Variants in SLF2 observed in about 807,000 individuals in gnomAD.
SLF2 encodes the protein SMC5/6 complex localization factor 2.
Under a neutral mutation model 124.3 loss-of-function variants are expected in SLF2, and 68 were observed. That is an observed-to-expected ratio of 0.55 (90% CI 0.45 to 0.67). The LOEUF (loss-of-function observed/expected upper bound fraction) is 0.67, where lower values mean the gene tolerates loss of function less well. SLF2 is among the 30% of genes least tolerant of loss of function. SLF2 has a pLI of 0.00. For synonymous variants in SLF2, 480 were observed against 478.8 expected, an observed-to-expected ratio of 1.00 and a Z score of -0.03; for missense variants, 1,246 against 1,373.7, an observed-to-expected ratio of 0.91 and a Z score of 1.47.
intron 13 of SLF2, among the ~76,000 whole-genome samples, 168 bp downstream of exon 13, chr10:100,945,674 T>G (rs1465792192): frequency 6.6e-6 from 1 of 152,218 alleles, no homozygotes; most frequent in African/African-American, 2.4e-5. Context: ...TCGTGATAAT[T>G]GAATTTTTTC....
intron 17 of SLF2, among the ~76,000 whole-genome samples, chr10:100,954,269 T>G (rs1355294726): frequency 6.6e-6 from 1 of 151,984 alleles, no homozygotes; most frequent in Non-Finnish European, 1.5e-5. Context: ...AAAAAATATA[T>G]AAAAAATCAA....
rs761598604 is a variant in SLF2, at chr10:100,925,921, A to G, written c.1972-28A>G. 6 of 1,548,152 alleles carry G rather than the reference A, an allele frequency of 3.9e-6. No individual in the cohort carries two copies. In the East Asian group the frequency reaches 1.1e-4, roughly 29 times the overall value. On this transcript the variant is annotated intron_variant, in intron 5 of 19. Transcript: ENST00000238961. Reference sequence around the variant, plus strand: ...CAGTTCTTCTACTAAGACATGTGGTAAAGTATTTCTAAATGTTCTTGTTTT... The same window carrying G: ...CAGTTCTTCTACTAAGACATGTGGTGAAGTATTTCTAAATGTTCTTGTTTT...
intron 4 of SLF2, among the ~76,000 whole-genome samples, chr10:100,922,916 C>G (rs947464042): frequency 6.6e-6 from 1 of 151,794 alleles, no homozygotes; most frequent in Middle Eastern, 3.2e-3. Flanking sequence ...GCTGGGAGTA[C>G]AGGCACGCAC....
chr10:100,944,222 G>A (rs957337595), intron 12 of SLF2, 94 bp downstream of exon 12: 39 of 763,026 alleles, frequency 5.1e-5, no homozygotes, highest in Admixed American at 1.5e-4. Flanking sequence ...TCGGCCGGGC[G>A]CGGTGGCTCA....
At chr10:100,941,055 G>T (rs990262134) in intron 11 of SLF2, among the ~76,000 whole-genome samples, 3 of 151,646 alleles carry the variant, frequency 2.0e-5, no homozygotes, top group African/African-American at 7.3e-5. Context: ...GCCCAGGCTG[G>T]TCTCAAAATC....
At position 100,912,988 on chromosome 10, in the gene SLF2, AGAGAGAAG is replaced by A; in HGVS notation, c.-121_-114del. The A allele has an allele frequency of 1.9e-6, 2 of 1,052,280 alleles. No homozygotes were observed. Among genetic ancestry groups the A allele is most frequent in the Non-Finnish European group, 2.7e-6 (2 of 731,714 alleles). 65.2% of individuals were successfully genotyped at this position (1,052,280 alleles called of 1,614,324 possible). ...ACTTCCGAAGAGAGAACCGCCATGA[AGAGAGAAG>A]GGGGTGCCGCCCACCTCTGCTCCGA... On this transcript the variant is annotated 5_prime_UTR_variant, in exon 1 of 20. Transcript: ENST00000238961.
At chr10:100,954,749 C>T (rs1850292741) in intron 17 of SLF2, among the ~76,000 whole-genome samples, 1 of 152,052 alleles carries the variant, frequency 6.6e-6, no homozygotes, top group Non-Finnish European at 1.5e-5. Context: ...TTAAAACCAG[C>T]TTAGGCAACA....
At chr10:100,935,717 T>C (rs1849835009) in intron 9 of SLF2, among the ~76,000 whole-genome samples, 1 of 152,096 alleles carries the variant, frequency 6.6e-6, no homozygotes, top group Non-Finnish European at 1.5e-5. Flanking sequence ...TAAATTCCTG[T>C]ATGTAAAAAG....
At chr10:100,934,346 A>C (rs1458907734) in intron 9 of SLF2, among the ~76,000 whole-genome samples, 1 of 152,202 alleles carries the variant, frequency 6.6e-6, no homozygotes, top group Non-Finnish European at 1.5e-5. Context: ...ACTCCTTTAC[A>C]CATTTACTTA....
rs1213746561 is a variant in SLF2, at chr10:100,934,015, G to T, written c.2436+2937G>T. On this transcript the variant is annotated intron_variant, in intron 9 of 19. Transcript: ENST00000238961. ...TAAAAAGAAGTTTCTGTCAGAATCT[G>T]TTTGAGTGAACAGTTTAAATTTTTT... Among the ~76,000 whole-genome samples, 5 of 152,292 alleles carry T rather than the reference G, an allele frequency of 3.3e-5. No homozygotes were observed. In the East Asian group the frequency reaches 7.7e-4, roughly 23 times the overall value.
At chr10:100,926,182 C>T (rs1215897324) in intron 6 of SLF2, 163 bp downstream of exon 6, 21 of 1,551,350 alleles carry the variant, frequency 1.4e-5, no homozygotes, top group Non-Finnish European at 1.8e-5. Context: ...CGCAGTGGCT[C>T]ATGCCTGTAA....
Position 100,924,533 on chromosome 10 carries a change from G to A in SLF2, c.1532G>A (p.Cys511Tyr). 6.2e-7 allele frequency: 1 copy of A among 1,614,094 alleles called. No individual in the cohort carries two copies. ...KDKERSSSKECSGHSTESTKH... is the reference protein window; with the variant it reads ...KDKERSSSKEYSGHSTESTKH... ...AAAGAGCGTTCCTCATCTAAAGAAT[G>A]TTCTGGGCATTCTACAGAATCCACC... The change falls in exon 5 of 20, where the codon TGT becomes TAT. Residue 511 changes from cysteine to tyrosine, a missense_variant. This residue lies in a region of SLF2 where 698 missense variants were observed against 708.9 expected (regional missense o/e 0.98). Coordinates refer to ENST00000238961, the MANE Select transcript of SLF2 (RefSeq NM_018121.4).
At chr10:100,915,087 C>T (rs1465382009) in intron 1 of SLF2, among the ~76,000 whole-genome samples, 1 of 152,198 alleles carries the variant, frequency 6.6e-6, no homozygotes, top group East Asian at 1.9e-4. Context: ...ATTCCTATTT[C>T]ACTTTAGCAT....
intron 1 of SLF2, among the ~76,000 whole-genome samples, chr10:100,915,407 C>T (rs1173519513): frequency 1.3e-5 from 2 of 152,128 alleles, no homozygotes; most frequent in Non-Finnish European, 2.9e-5. Context: ...CCAGCAAACT[C>T]CTCTTCAACT....
chr10:100,938,472 T>C, intron 10 of SLF2, 123 bp from the exon 11 acceptor site: 1 of 890,348 alleles, frequency 1.1e-6, no homozygotes, highest in Non-Finnish European at 1.7e-6. Context: ...TAGCATAAAA[T>C]TAGCAGCTGT....
At chr10:100,936,668 A>C (rs748635707) in intron 9 of SLF2, among the ~76,000 whole-genome samples, 9 of 152,108 alleles carry the variant, frequency 5.9e-5, no homozygotes, top group Admixed American at 2.0e-4. Flanking sequence ...CATCTCTTTG[A>C]TCTAGTGATA....
chr10:100,925,364 G>A (rs1849595341), intron 5 of SLF2, among the ~76,000 whole-genome samples: 1 of 152,194 alleles, frequency 6.6e-6, no homozygotes, highest in Admixed American at 6.5e-5. Context: ...TATAGACTAA[G>A]TTCTACTGGA....
intron 19 of SLF2, 53 bp downstream of exon 19, chr10:100,959,549 A>G (rs1282280510): frequency 1.2e-6 from 2 of 1,600,100 alleles, no homozygotes; most frequent in Non-Finnish European, 1.7e-6. Context: ...GCTGAATGGC[A>G]CTCTTCATAC....
At chr10:100,921,160 A>AT (rs1849518261) in intron 4 of SLF2, among the ~76,000 whole-genome samples, 2 of 152,188 alleles carry the variant, frequency 1.3e-5, no homozygotes, top group African/African-American at 4.8e-5. Context: ...GGGAAATTTA[A>AT]TCCATTGCTA....
Sources: allele counts gnomAD v4.1 joint callset (sites outside exome capture counted in the v4.1 genomes callset), GRCh38; gene constraint gnomAD v4.1.1; regional missense constraint gnomAD v4.1.1; transcripts MANE v1.5; gene names NCBI Gene and HGNC (gene_info 2026-07-23, HGNC 2026-07-21).